Variants in CLTRN observed in about 807,000 individuals in gnomAD.
CLTRN encodes the protein collectrin.
A neutral mutation model predicts 14.5 loss-of-function variants in CLTRN; 12 were observed. The observed-to-expected ratio is 0.83, with a 90% CI of 0.53 to 1.34. The LOEUF (loss-of-function observed/expected upper bound fraction) is 1.34. Among genes scored for constraint, CLTRN ranks in the 40% most tolerant of loss-of-function variants. The pLI, the probability that CLTRN is intolerant of heterozygous loss-of-function variation, is 0.00. For missense variants in CLTRN, 154 were observed against 165.1 expected (o/e 0.93, Z 0.37); for synonymous variants, 58 against 56.5 (o/e 1.03, Z -0.12).
chrX:15,632,994 T>C (rs747821573), intron 5 of CLTRN, among the ~76,000 whole-genome samples: 49 of 110,037 alleles, frequency 4.5e-4, no homozygotes, highest in Non-Finnish European at 8.0e-4. Flanking sequence ...GAATCAATTA[T>C]CGGGGAATTG....
chrX:15,628,458 A>T (rs1928615731), intron 5 of CLTRN, among the ~76,000 whole-genome samples: 1 of 112,307 alleles, frequency 8.9e-6, no homozygotes, highest in Admixed American at 9.4e-5. Context: ...AGACACTCAC[A>T]CACACAAATT....
rs1205039476 is a variant in CLTRN at position 15,647,797 on chromosome X, T to C, written c.204-2768A>G. On this transcript the variant is annotated intron_variant, in intron 3 of 5. Transcript: ENST00000380342. ...TCCCCCAAAATGTGCGGTTTTCTAA[T>C]ACATATCAAAGACGTAGGGACAAAC... is the stretch of plus-strand genomic sequence containing the variant. Among the ~76,000 whole-genome samples, 147 of 60,236 alleles carry C rather than the reference T, an allele frequency of 2.4e-3. 2 individuals are homozygous for C. The highest frequency in any genetic ancestry group is 8.7e-3 in the African/African-American group (137 of 15,799). The allele number at this position is 60,236 out of a possible 115,157, so 52.3% of individuals were successfully genotyped here. A position where few individuals can be genotyped will look rare whatever the true frequency, so the allele number is the denominator to read the frequency against.
At chrX:15,640,167 A>G (rs1345609882) in intron 4 of CLTRN, among the ~76,000 whole-genome samples, 2 of 111,988 alleles carry the variant, frequency 1.8e-5, no homozygotes, top group Admixed American at 1.9e-4. Context: ...TCCATCAGAC[A>G]TGCCCACCAG....
At chrX:15,659,146 A>G (rs746118274) in intron 2 of CLTRN, 45 bp from the exon 3 acceptor site, 1 of 775,179 alleles carries the variant, frequency 1.3e-6, no homozygotes, top group South Asian at 2.2e-5. Context: ...AATATGGTCC[A>G]TTGGTTCTAC....
intron 3 of CLTRN, among the ~76,000 whole-genome samples, chrX:15,651,022 C>CA (rs755390467): frequency 9.9e-5 from 11 of 111,538 alleles, no homozygotes; most frequent in Non-Finnish European, 2.1e-4. Context: ...AGCTAATACC[C>CA]AGGCAACAGG....
At chrX:15,646,697 G>T in intron 3 of CLTRN, 2 of 341,763 alleles carry the variant, frequency 5.9e-6, no homozygotes, top group Non-Finnish European at 1.2e-5. Context: ...AGGCCTGGAG[G>T]TGCTTTCCCA....
chrX:15,672,977 C>T (rs909113538), intron 1 of CLTRN, among the ~76,000 whole-genome samples: 2 of 111,773 alleles, frequency 1.8e-5, no homozygotes, highest in South Asian at 3.7e-4. Context: ...TGTACTCAGT[C>T]GAACAGGAAA....
upstream of CLTRN, among the ~76,000 whole-genome samples, chrX:15,665,250 G>A (rs1231121307): frequency 2.7e-5 from 3 of 111,815 alleles, no homozygotes; most frequent in Non-Finnish European, 3.8e-5. Flanking sequence ...GGTGCCCTCC[G>A]TGAAGGGCCT....
At chrX:15,667,141 G>A (rs2147216967), upstream of CLTRN, among the ~76,000 whole-genome samples, 1 of 111,771 alleles carries the variant, frequency 8.9e-6, no homozygotes, top group African/African-American at 3.3e-5. Flanking sequence ...GGAGGCTGAG[G>A]CAGGAGAATT....
At chrX:15,630,553 A>G (rs916046975) in intron 5 of CLTRN, among the ~76,000 whole-genome samples, 1 of 112,611 alleles carries the variant, frequency 8.9e-6, no homozygotes, top group Admixed American at 9.4e-5. Context: ...CAATGTCATC[A>G]TTTGAAAGTA....
At chrX:15,638,140 AAAC>A (rs1397492046) in intron 5 of CLTRN, among the ~76,000 whole-genome samples, 1 of 112,334 alleles carries the variant, frequency 8.9e-6, no homozygotes, top group Non-Finnish European at 1.9e-5. Context: ...GATTAATACA[AAAC>A]AAAAGTATTA....
intron 3 of CLTRN, among the ~76,000 whole-genome samples, chrX:15,648,640 A>C: frequency 9.0e-6 from 1 of 110,894 alleles, no homozygotes; most frequent in Middle Eastern, 4.6e-3. Flanking sequence ...GTGAAACCCC[A>C]TCTCTACGAA....
upstream of CLTRN, among the ~76,000 whole-genome samples, chrX:15,668,379 T>C (rs777580504): frequency 1.8e-5 from 2 of 112,603 alleles, no homozygotes; most frequent in East Asian, 5.5e-4. Context: ...ACGAGCATTA[T>C]ATTTGTAATT....
chrX:15,643,451 T>C (rs749376267), intron 4 of CLTRN, among the ~76,000 whole-genome samples: 2 of 112,169 alleles, frequency 1.8e-5, no homozygotes, highest in Non-Finnish European at 3.8e-5. Context: ...AACATATTCA[T>C]GTATTAATAC....
At chrX:15,673,199 T>C (rs971134109) in intron 1 of CLTRN, among the ~76,000 whole-genome samples, 7 of 112,767 alleles carry the variant, frequency 6.2e-5, no homozygotes, top group Middle Eastern at 9.3e-3. Flanking sequence ...AAAATCCTGA[T>C]TGATTGGTTT....
At chrX:15,661,323 T>C (rs1929501784) in intron 2 of CLTRN, among the ~76,000 whole-genome samples, 1 of 112,315 alleles carries the variant, frequency 8.9e-6, no homozygotes, top group African/African-American at 3.2e-5. Flanking sequence ...TGATCTCCTG[T>C]CCTTCCATTT....
upstream of CLTRN, among the ~76,000 whole-genome samples, chrX:15,665,501 C>T (rs1929603894): frequency 1.8e-5 from 2 of 112,062 alleles, no homozygotes; most frequent in African/African-American, 3.2e-5. Flanking sequence ...TGTGTTCAGC[C>T]CTGAGGTCTG....
chrX:15,665,456 C>A (rs1275985082), upstream of CLTRN, among the ~76,000 whole-genome samples: 1 of 112,472 alleles, frequency 8.9e-6, no homozygotes, highest in Non-Finnish European at 1.9e-5. Context: ...AACAAAACTG[C>A]ACAGGTGCCT....
intron 1 of CLTRN, among the ~76,000 whole-genome samples, chrX:15,670,308 A>AAC (rs753295306): frequency 0.13 from 11,508 of 86,140 alleles, 687 homozygotes; most frequent in African/African-American, 0.16. Flanking sequence ...CCAAAAACAA[A>AAC]ACACACACAC....
Sources: allele counts gnomAD v4.1 joint callset (sites outside exome capture counted in the v4.1 genomes callset), GRCh38; gene constraint gnomAD v4.1.1; transcripts MANE v1.5; gene names NCBI Gene and HGNC (gene_info 2026-07-23, HGNC 2026-07-21).